The following FSHR variants were observed in gnomAD, a reference collection of about 807,000 sequenced individuals.
The protein encoded by FSHR is follicle stimulating hormone receptor.
Under a neutral mutation model 52.1 loss-of-function variants are expected in FSHR, and 46 were observed. The ratio of observed to expected loss-of-function variants is 0.88; its 90% CI spans 0.70 to 1.13. FSHR has a LOEUF of 1.13. Among genes scored for constraint, FSHR ranks in the 50% most tolerant of loss-of-function variants. FSHR has a pLI of 0.00. For synonymous variants in FSHR, 399 were observed against 309.6 expected, an observed-to-expected ratio of 1.29 and a Z score of -3.03; for missense variants, 964 against 834.6, an observed-to-expected ratio of 1.16 and a Z score of -1.91.
chr2:49,077,392 C>T (rs1217340296), intron 1 of FSHR, among the ~76,000 whole-genome samples: 1 of 152,106 alleles, frequency 6.6e-6, no homozygotes, highest in East Asian at 1.9e-4. Context: ...GCGCTAAGTC[C>T]CTAGGCTGCA....
At chr2:48,990,889 C>T (rs1315298554) in intron 4 of FSHR, among the ~76,000 whole-genome samples, 1 of 99,950 alleles carries the variant, frequency 1.0e-5, no homozygotes, top group African/African-American at 2.9e-5. Context: ...CCACAGTATA[C>T]ATTAAAAAAA....
Position 49,088,126 on chromosome 2 carries a change from G to A in FSHR, c.153-19836C>T, listed in dbSNP as rs1670467799. 2.0e-5 allele frequency among the ~76,000 whole-genome samples: 3 copies of A among 152,180 alleles called. No individual in the cohort carries two copies. The South Asian group carries it at 6.2e-4, about 31-fold the overall frequency. On this transcript the variant is annotated intron_variant, in intron 1 of 9. Transcript: ENST00000406846. The stretch of plus-strand genomic sequence containing the variant: ...TGATCAAGGACACAGTTAGAAAGTG[G>A]CAGATGTAGTTCTGAAGCCTGTCTG...
intron 2 of FSHR, among the ~76,000 whole-genome samples, chr2:49,026,233 C>T (rs900768765): frequency 5.9e-5 from 9 of 152,158 alleles, no homozygotes; most frequent in South Asian, 4.1e-4. Context: ...CAACAACAAA[C>T]GATTGTGTTC....
At chr2:48,991,996 GT>G (rs1675804707) in intron 4 of FSHR, among the ~76,000 whole-genome samples, 1 of 151,804 alleles carries the variant, frequency 6.6e-6, no homozygotes, top group Non-Finnish European at 1.5e-5. Flanking sequence ...CAGTCTATGG[GT>G]TCTCGGTGAT....
At chr2:48,985,949 ATGATC>A (rs1675489821) in intron 6 of FSHR, among the ~76,000 whole-genome samples, 1 of 151,422 alleles carries the variant, frequency 6.6e-6, no homozygotes, top group South Asian at 2.1e-4. Context: ...TCCTGACCTC[ATGATC>A]CACCCGCCTC....
intron 2 of FSHR, among the ~76,000 whole-genome samples, chr2:49,049,189 A>G (rs1335318653): frequency 1.3e-5 from 1 of 78,958 alleles, no homozygotes; most frequent in Non-Finnish European, 3.6e-5. Flanking sequence ...AGCAAGGAGG[A>G]AAAAAAAAAG....
At chr2:49,014,658 G>A in intron 4 of FSHR, 1 of 262,122 alleles carries the variant, frequency 3.8e-6, no homozygotes, top group Non-Finnish European at 7.5e-6. Context: ...TGAATCCCTT[G>A]GTTTCAAATT....
chr2:49,033,294 CATTG>C (rs1668165454), intron 2 of FSHR, among the ~76,000 whole-genome samples: 1 of 152,046 alleles, frequency 6.6e-6, no homozygotes, highest in Non-Finnish European at 1.5e-5. Context: ...GATTTTTTTT[CATTG>C]CTTGCTGCTT....
At chr2:49,137,437 G>T (rs1374171886) in intron 1 of FSHR, among the ~76,000 whole-genome samples, 3 of 152,200 alleles carry the variant, frequency 2.0e-5, no homozygotes, top group Admixed American at 2.0e-4. Context: ...TATAGGTTGA[G>T]TGCAATCCCT....
intron 8 of FSHR, among the ~76,000 whole-genome samples, chr2:48,979,453 A>G (rs1038811195): frequency 2.0e-5 from 3 of 151,762 alleles, no homozygotes; most frequent in African/African-American, 7.3e-5. Context: ...CCCCCCCAAA[A>G]CCTACTCAAC....
At chr2:49,061,661 ATATATTTATAACTATATATAAC>A (rs1338812910) in intron 2 of FSHR, among the ~76,000 whole-genome samples, 36 of 142,620 alleles carry the variant, frequency 2.5e-4, no homozygotes, top group Non-Finnish European at 5.0e-4. Context: ...ATATATAACT[ATATATTTATAACTATATATAAC>A]TATATATTTA....
At chr2:49,107,602 T>C (rs965733585) in intron 1 of FSHR, among the ~76,000 whole-genome samples, 1 of 152,146 alleles carries the variant, frequency 6.6e-6, no homozygotes, top group Admixed American at 6.5e-5. Context: ...TTAACAATGG[T>C]TAATCACAAA....
intron 4 of FSHR, among the ~76,000 whole-genome samples, chr2:48,997,665 G>A (rs1922462): frequency 0.62 from 94,321 of 151,892 alleles, 29,428 homozygotes; most frequent in Non-Finnish European, 0.65. Context: ...ACTTAGCCCC[G>A]TGACCAGGAA....
intron 9 of FSHR, among the ~76,000 whole-genome samples, chr2:48,965,170 G>T (rs1674418386): frequency 6.6e-6 from 1 of 152,084 alleles, no homozygotes; most frequent in African/African-American, 2.4e-5. Flanking sequence ...CTAGGGGAGT[G>T]GAGGAGGTAA....
At chr2:49,097,951 A>G (rs1156848829) in intron 1 of FSHR, among the ~76,000 whole-genome samples, 3 of 144,772 alleles carry the variant, frequency 2.1e-5, no homozygotes, top group African/African-American at 7.4e-5. Context: ...CCAAATTTTT[A>G]TTAAGTTTTA....
At chr2:49,000,787 C>G (rs570701150) in intron 4 of FSHR, among the ~76,000 whole-genome samples, 1 of 152,154 alleles carries the variant, frequency 6.6e-6, no homozygotes, top group South Asian at 2.1e-4. Context: ...CATAGCTGCT[C>G]CCTCTAGCTT....
At chr2:49,013,890 C>A (rs1667383415) in intron 4 of FSHR, among the ~76,000 whole-genome samples, 1 of 152,028 alleles carries the variant, frequency 6.6e-6, no homozygotes, top group African/African-American at 2.4e-5. Flanking sequence ...AAGACCCTCA[C>A]AATAGGATGA....
At chr2:48,981,345 A>C (rs925622508) in intron 8 of FSHR, among the ~76,000 whole-genome samples, 2 of 152,218 alleles carry the variant, frequency 1.3e-5, no homozygotes, top group African/African-American at 4.8e-5. Flanking sequence ...TGCATGGCAC[A>C]AGACTGATGC....
chr2:49,086,289 CT>C (rs1670389779), intron 1 of FSHR, among the ~76,000 whole-genome samples: 1 of 152,130 alleles, frequency 6.6e-6, no homozygotes, highest in African/African-American at 2.4e-5. Context: ...GAGAGTTCAT[CT>C]AAAATTGCAG....
Sources: allele counts gnomAD v4.1 joint callset (sites outside exome capture counted in the v4.1 genomes callset), GRCh38; gene constraint gnomAD v4.1.1; transcripts MANE v1.5; gene names NCBI Gene and HGNC (gene_info 2026-07-23, HGNC 2026-07-21).